The following AEBP2 variants were observed in gnomAD, a reference collection of about 807,000 sequenced individuals.
The protein encoded by AEBP2 is zinc finger protein AEBP2.
Under a neutral mutation model 50.8 loss-of-function variants are expected in AEBP2, and 10 were observed. The ratio of observed to expected loss-of-function variants is 0.20; its 90% CI spans 0.12 to 0.33. The LOEUF is 0.33. Among genes scored for constraint, AEBP2 ranks in the 10% least tolerant of loss-of-function variants. AEBP2 has a pLI of 1.00. For missense variants in AEBP2, 570 were observed against 688.0 expected, an observed-to-expected ratio of 0.83 and a Z score of 1.92; for synonymous variants, 296 against 261.3, an observed-to-expected ratio of 1.13 and a Z score of -1.28.
intron 5 of AEBP2, among the ~76,000 whole-genome samples, chr12:19,507,058 A>C (rs1450928152): frequency 1.3e-5 from 2 of 152,130 alleles, no homozygotes; most frequent in African/African-American, 2.4e-5. Context: ...AGCTCAGAGG[A>C]GAGAGGTGTG....
intron 1 of AEBP2, among the ~76,000 whole-genome samples, chr12:19,445,370 CTTT>C (rs55898072): frequency 2.3e-3 from 307 of 135,574 alleles, no homozygotes; most frequent in Non-Finnish European, 3.0e-3. Context: ...TGCTCGTTTT[CTTT>C]TTTTTTTTTT....
At chr12:19,428,047 G>T (rs2095749483) in intron 1 of AEBP2, among the ~76,000 whole-genome samples, 1 of 151,936 alleles carries the variant, frequency 6.6e-6, no homozygotes, top group African/African-American at 2.4e-5. Context: ...GACCAGCCTG[G>T]GCAACATGGC....
intron 1 of AEBP2, among the ~76,000 whole-genome samples, chr12:19,432,908 C>T (rs73071028): frequency 1.5e-3 from 221 of 152,110 alleles, no homozygotes; most frequent in Middle Eastern, 3.4e-3. Flanking sequence ...ATTATTGTTG[C>T]TAATTTGACC....
upstream of AEBP2, among the ~76,000 whole-genome samples, chr12:19,435,025 T>C (rs1180103707): frequency 1.3e-5 from 2 of 152,182 alleles, no homozygotes; most frequent in African/African-American, 4.8e-5. Flanking sequence ...CACTGGAACT[T>C]TTCACACTTT....
At chr12:19,513,557 G>A (rs1248915934) in intron 6 of AEBP2, among the ~76,000 whole-genome samples, 1 of 152,134 alleles carries the variant, frequency 6.6e-6, no homozygotes, top group Non-Finnish European at 1.5e-5. Flanking sequence ...GCAGGAGTTT[G>A]AGATCAGCCT....
At chr12:19,472,340 T>C (rs1948585417) in intron 2 of AEBP2, among the ~76,000 whole-genome samples, 1 of 152,182 alleles carries the variant, frequency 6.6e-6, no homozygotes, top group African/African-American at 2.4e-5. Context: ...AAGATAATGA[T>C]TGTGGTAGAC....
At position 19,418,255 on chromosome 12, in the gene AEBP2, C is replaced by T. The variant is rs138133853; in HGVS notation, c.-17+14039C>T. ...TTATTTATTTTTTGAGACAGGGTCT[C>T]ACTTTGTAGCCCAGGCTAGAGTGCA... On this transcript the variant is annotated intron_variant, in intron 1 of 3. Transcript: ENST00000538425. Among the ~76,000 whole-genome samples the T allele has an allele frequency of 1.2e-3, 181 of 152,140 alleles. 1 individual carries two copies. Among genetic ancestry groups the T allele is most frequent in the African/African-American group, 4.1e-3 (171 of 41,526 alleles).
At chr12:19,454,043 A>T (rs1565710483) in intron 1 of AEBP2, among the ~76,000 whole-genome samples, 1 of 151,960 alleles carries the variant, frequency 6.6e-6, no homozygotes, top group Non-Finnish European at 1.5e-5. Context: ...CCATGTCTCC[A>T]TGTGTACCTT....
At chr12:19,437,729 G>T (rs143161822), upstream of AEBP2, among the ~76,000 whole-genome samples, 67 of 152,286 alleles carry the variant, frequency 4.4e-4, no homozygotes, top group African/African-American at 1.5e-3. Context: ...TAAAATGTTG[G>T]AAGTTAATAC....
At chr12:19,508,271 G>C (rs1949182705) in intron 5 of AEBP2, among the ~76,000 whole-genome samples, 1 of 152,036 alleles carries the variant, frequency 6.6e-6, no homozygotes, top group Admixed American at 6.6e-5. Flanking sequence ...ATGTTGTCCA[G>C]GCTGGCCTCG....
intron 5 of AEBP2, among the ~76,000 whole-genome samples, chr12:19,507,661 A>AT (rs1047089609): frequency 1.8e-4 from 28 of 152,078 alleles, no homozygotes; most frequent in Admixed American, 8.5e-4. Context: ...CTGAAGAATG[A>AT]TTTTTTTTCC....
At chr12:19,438,867 G>C (rs1947889626), upstream of AEBP2, among the ~76,000 whole-genome samples, 2 of 152,190 alleles carry the variant, frequency 1.3e-5, no homozygotes, top group African/African-American at 4.8e-5. Flanking sequence ...AGAATCCATT[G>C]GCTATACAGT....
intron 1 of AEBP2, among the ~76,000 whole-genome samples, chr12:19,430,334 T>C (rs1254421613): frequency 3.3e-5 from 5 of 152,186 alleles, no homozygotes; most frequent in Non-Finnish European, 5.9e-5. Flanking sequence ...CATTGGTCTA[T>C]ATATCTGTTT....
intron 4 of AEBP2, among the ~76,000 whole-genome samples, chr12:19,497,828 T>G (rs1469523073): frequency 6.6e-6 from 1 of 152,174 alleles, no homozygotes; most frequent in Non-Finnish European, 1.5e-5. Context: ...GAGCACACAG[T>G]CTTAACGTAT....
At chr12:19,469,261 A>T (rs922989742) in intron 2 of AEBP2, among the ~76,000 whole-genome samples, 3 of 151,726 alleles carry the variant, frequency 2.0e-5, no homozygotes, top group Admixed American at 2.0e-4. Context: ...TGGGTTTAAA[A>T]TTTTTTTTTC....
At chr12:19,475,519 T>C (rs1948635878) in intron 3 of AEBP2, among the ~76,000 whole-genome samples, 1 of 152,148 alleles carries the variant, frequency 6.6e-6, no homozygotes, top group Admixed American at 6.6e-5. Context: ...AGGGCACACT[T>C]GTGTGTGCAA....
chr12:19,493,793 C>CTT lies in AEBP2; in HGVS notation c.988-4_988-3dup. 6.2e-7 allele frequency: 1 copy of CTT among 1,612,210 alleles called. No individual in the cohort carries two copies. Among genetic ancestry groups the CTT allele is most frequent in the East Asian group, 2.2e-5 (1 of 44,856 alleles). Reference sequence around the variant, plus strand: ...CCTGACGTTATTTCTGTTTTATTTTCTTTTAGTGTGTTGTTGGTGGCTGCA... The same window carrying CTT: ...CCTGACGTTATTTCTGTTTTATTTTCTTTTTTAGTGTGTTGTTGGTGGCTGCA... On this transcript the variant is annotated splice_region_variant and splice_polypyrimidine_tract_variant and intron_variant, in intron 3 of 7. Coordinates refer to ENST00000266508, the MANE Select transcript of AEBP2 (RefSeq NM_153207.5).
At chr12:19,413,843 T>C (rs7975991) in intron 1 of AEBP2, among the ~76,000 whole-genome samples, 3 of 151,968 alleles carry the variant, frequency 2.0e-5, no homozygotes. Flanking sequence ...AGGATTTAGC[T>C]GGATTCCTTA....
At chr12:19,437,239 T>C (rs919916512), upstream of AEBP2, among the ~76,000 whole-genome samples, 2 of 152,214 alleles carry the variant, frequency 1.3e-5, no homozygotes, top group Non-Finnish European at 2.9e-5. Context: ...CATTTCTACA[T>C]GGATGTCCAC....
Sources: gnomAD v4.1 joint callset for allele counts (sites outside exome capture counted in the v4.1 genomes callset) on GRCh38, gnomAD v4.1.1 for gene constraint, MANE v1.5 for transcripts, NCBI Gene and HGNC (gene_info 2026-07-23, HGNC 2026-07-21) for gene names.